PCDH11Y: variants seen among roughly 807,000 people sequenced by gnomAD.
The protein encoded by PCDH11Y is protocadherin-11 Y-linked.
For missense variants in PCDH11Y, 12 were observed against 224.8 expected, an observed-to-expected ratio of 0.05 and a Z score of 6.05; for synonymous variants, 9 against 83.6, an observed-to-expected ratio of 0.11 and a Z score of 4.87.
At chrY:5,643,101 T>G in intron 4 of PCDH11Y, among the ~76,000 whole-genome samples, 1 of 33,285 alleles carries the variant, frequency 3.0e-5, no homozygotes, top group Non-Finnish European at 7.4e-5. Context: ...TTATGTAATT[T>G]TTAGCATTTT....
chrY:5,578,592 T>A (rs2124697189), intron 3 of PCDH11Y, among the ~76,000 whole-genome samples: 2 of 32,792 alleles, frequency 6.1e-5, no homozygotes, highest in Admixed American at 2.8e-4. Flanking sequence ...TCCACTGCAC[T>A]CCTGCCTGGG....
chrY:5,704,655 T>TCCTGACCTCATGATCCACCCG (rs2053581496), intron 4 of PCDH11Y, among the ~76,000 whole-genome samples: 2 of 31,202 alleles, frequency 6.4e-5, no homozygotes, highest in Non-Finnish European at 1.5e-4. Context: ...GGTCTCGATC[T>TCCTGACCTCATGATCCACCCG]CCTGACCTCA....
chrY:5,413,847 T>C, intron 2 of PCDH11Y, among the ~76,000 whole-genome samples: 2 of 33,181 alleles, frequency 6.0e-5, no homozygotes, highest in African/African-American at 2.4e-4. Flanking sequence ...TCAAACAAGT[T>C]ATCCATTTCT....
At chrY:5,601,668 T>TA (rs2053472821) in intron 4 of PCDH11Y, among the ~76,000 whole-genome samples, 4 of 32,792 alleles carry the variant, frequency 1.2e-4, no homozygotes, top group Non-Finnish European at 7.5e-5. Flanking sequence ...ATTATATATA[T>TA]TTTTATTATA....
intron 2 of PCDH11Y, among the ~76,000 whole-genome samples, chrY:5,264,226 C>T: frequency 8.9e-5 from 3 of 33,730 alleles, no homozygotes; most frequent in Admixed American, 8.0e-4. Context: ...ATCCAAGAGG[C>T]TAGGCCTGGA....
chrY:5,402,158 G>A, intron 2 of PCDH11Y, among the ~76,000 whole-genome samples: 1 of 32,436 alleles, frequency 3.1e-5, no homozygotes, highest in Non-Finnish European at 7.5e-5. Context: ...TTGTTCTTAC[G>A]AGATCTGGTT....
At chrY:5,558,993 C>A in intron 3 of PCDH11Y, among the ~76,000 whole-genome samples, 4 of 32,521 alleles carry the variant, frequency 1.2e-4, no homozygotes, top group African/African-American at 2.4e-4. Context: ...TATAGAATAT[C>A]CCTTGAATGT....
chrY:5,090,469 G>C (rs2124633698), intron 1 of PCDH11Y, among the ~76,000 whole-genome samples: 6 of 31,178 alleles, frequency 1.9e-4, no homozygotes, highest in African/African-American at 7.0e-4. Flanking sequence ...ATTCTTAAAT[G>C]GGCAAGTTAA....
chrY:5,162,670 A>C, intron 2 of PCDH11Y, among the ~76,000 whole-genome samples: 2 of 33,174 alleles, frequency 6.0e-5, no homozygotes, highest in Non-Finnish European at 1.5e-4. Context: ...ACTCAAATCA[A>C]ACTTCCAGAA....
intron 1 of PCDH11Y, among the ~76,000 whole-genome samples, chrY:5,059,114 A>G (rs35570106): frequency 3.0e-5 from 1 of 33,004 alleles, no homozygotes; most frequent in Admixed American, 2.8e-4. Context: ...ACTTATAGAA[A>G]TGTGAGGCTT....
At chrY:5,399,687 A>T (rs2124676875) in intron 2 of PCDH11Y, among the ~76,000 whole-genome samples, 1 of 30,024 alleles carries the variant, frequency 3.3e-5, no homozygotes, top group Admixed American at 3.2e-4. Flanking sequence ...TTTAGTAGAG[A>T]TGGGGTTTCT....
At chrY:5,672,806 G>A in intron 4 of PCDH11Y, among the ~76,000 whole-genome samples, 1 of 30,412 alleles carries the variant, frequency 3.3e-5, no homozygotes, top group African/African-American at 1.3e-4. Context: ...ACTAATTTTG[G>A]TTTGGAATGC....
intron 4 of PCDH11Y, chrY:5,615,309 T>C: frequency 1.2e-5 from 1 of 83,995 alleles, no homozygotes; most frequent in South Asian, 6.3e-5. Context: ...CTGAAATAAC[T>C]TTCTTTGGCA....
intron 2 of PCDH11Y, among the ~76,000 whole-genome samples, chrY:5,404,512 A>G (rs2124677394): frequency 3.0e-5 from 1 of 33,583 alleles, no homozygotes; most frequent in South Asian, 6.5e-4. Flanking sequence ...TAATTTTTAC[A>G]ACCTTTTACA....
intron 1 of PCDH11Y, among the ~76,000 whole-genome samples, chrY:5,008,370 G>A: frequency 6.1e-5 from 2 of 32,788 alleles, no homozygotes; most frequent in Admixed American, 2.8e-4. Context: ...CATATCAACC[G>A]AAAGGATATT....
chrY:5,630,587 T>A (rs2124703665), intron 4 of PCDH11Y, among the ~76,000 whole-genome samples: 1 of 32,981 alleles, frequency 3.0e-5, no homozygotes, highest in African/African-American at 1.2e-4. Flanking sequence ...TTTTGGAGAG[T>A]CAGTCTGAGT....
intron 2 of PCDH11Y, among the ~76,000 whole-genome samples, chrY:5,266,743 T>C (rs2053026913): frequency 3.1e-5 from 1 of 32,475 alleles, no homozygotes; most frequent in African/African-American, 1.2e-4. Context: ...TTTATTAAAT[T>C]AAGAAACACC....
intron 4 of PCDH11Y, among the ~76,000 whole-genome samples, chrY:5,608,605 T>A: frequency 9.4e-5 from 2 of 21,373 alleles, no homozygotes; most frequent in Non-Finnish European, 2.0e-4. Context: ...TGCATCAATG[T>A]TCATCAAGGA....
downstream of PCDH11Y, among the ~76,000 whole-genome samples, chrY:5,108,698 G>C: frequency 4.6e-5 from 1 of 21,835 alleles, no homozygotes; most frequent in East Asian, 1.3e-3. Context: ...AGTGAGCCGA[G>C]ATGGCGCCAC....
Sources: gnomAD v4.1 joint callset for allele counts (sites outside exome capture counted in the v4.1 genomes callset) on GRCh38, gnomAD v4.1.1 for gene constraint, MANE v1.5 for transcripts, NCBI Gene and HGNC (gene_info 2026-07-23, HGNC 2026-07-21) for gene names.